The following SOCS2 variants were observed in gnomAD, a reference collection of about 807,000 sequenced individuals.
SOCS2 encodes the protein CIS-2.
In SOCS2, 10 loss-of-function variants were observed where a neutral mutation model predicts 18.6. The ratio of observed to expected loss-of-function variants is 0.54; its 90% CI spans 0.33 to 0.91. The LOEUF is 0.91. Among genes scored for constraint, SOCS2 ranks in the 40% least tolerant of loss-of-function variants. The pLI is 0.02. For missense variants in SOCS2, 231 were observed against 247.2 expected (o/e 0.93, Z 0.44); for synonymous variants, 104 against 104.0 (o/e 1.00, Z 0.00).
At chr12:93,585,693 C>G (rs1954580715), downstream of SOCS2, among the ~76,000 whole-genome samples, 1 of 152,096 alleles carries the variant, frequency 6.6e-6, no homozygotes, top group East Asian at 1.9e-4. Flanking sequence ...AAAAGTTTTT[C>G]AGGTACTGCA....
chr12:93,607,002 G>A, the SOCS2 span, among the ~76,000 whole-genome samples: 2 of 152,166 alleles, frequency 1.3e-5, no homozygotes, highest in Non-Finnish European at 2.9e-5. Context: ...GCAGTGGGTA[G>A]TACATTTGGG....
the SOCS2 span, among the ~76,000 whole-genome samples, chr12:93,612,500 G>A: frequency 3.3e-5 from 5 of 151,968 alleles, no homozygotes; most frequent in Admixed American, 2.0e-4. Flanking sequence ...TTTTGGCATT[G>A]TCCCCTGCTC....
downstream of SOCS2, among the ~76,000 whole-genome samples, chr12:93,581,339 A>T (rs1177998956): frequency 1.3e-5 from 2 of 152,256 alleles, no homozygotes; most frequent in Non-Finnish European, 1.5e-5. Flanking sequence ...TTAGGGTAAG[A>T]TCAGTTTATT....
At chr12:93,599,755 C>T in the SOCS2 span, among the ~76,000 whole-genome samples, 1 of 152,176 alleles carries the variant, frequency 6.6e-6, no homozygotes, top group East Asian at 1.9e-4. Context: ...GCAAGTTTGG[C>T]TTTCTCTTGC....
the SOCS2 span, among the ~76,000 whole-genome samples, chr12:93,624,320 C>A: frequency 6.6e-6 from 1 of 152,304 alleles, no homozygotes; most frequent in South Asian, 2.1e-4. Flanking sequence ...CGCCTGTAAT[C>A]CCAGCACTCT....
At chr12:93,574,602 CT>C (rs35259505) in intron 1 of SOCS2, 119 bp from the exon 2 acceptor site, 147,643 of 502,538 alleles carry the variant, frequency 0.29, 8,837 homozygotes, top group East Asian at 0.44. Context: ...CACACACCAC[CT>C]TTTTTTTTTT....
At chr12:93,603,063 CCTTGGTCCGAGACCAAGTCGTAG>C in the SOCS2 span, among the ~76,000 whole-genome samples, 1 of 152,176 alleles carries the variant, frequency 6.6e-6, no homozygotes, top group Non-Finnish European at 1.5e-5. Context: ...CACTGCCGAA[CCTTGGTCCGAGACCAAGTCGTAG>C]CTGTTCCCCG....
downstream of SOCS2, among the ~76,000 whole-genome samples, chr12:93,578,291 T>C (rs1469682512): frequency 1.3e-5 from 2 of 152,218 alleles, no homozygotes; most frequent in Non-Finnish European, 2.9e-5. Context: ...TTGGGAAGGA[T>C]TTTCTCTGCT....
chr12:93,580,806 G>A (rs112898345), downstream of SOCS2, among the ~76,000 whole-genome samples: 2,545 of 152,090 alleles, frequency 0.017, 74 homozygotes, highest in African/African-American at 0.058. Flanking sequence ...CATCAATTCT[G>A]TATTTGGTCA....
At chr12:93,614,540 C>CTTCCT in the SOCS2 span, among the ~76,000 whole-genome samples, 3 of 37,132 alleles carry the variant, frequency 8.1e-5, no homozygotes, top group African/African-American at 1.7e-4. Flanking sequence ...TCCTTCCTTC[C>CTTCCT]TTCTTTCTTT....
At chr12:93,582,148 G>C (rs543281946) in intron 1 of SOCS2, among the ~76,000 whole-genome samples, 1 of 152,198 alleles carries the variant, frequency 6.6e-6, no homozygotes, top group Non-Finnish European at 1.5e-5. Flanking sequence ...CCAGAGGAAG[G>C]TATCTTGTGT....
the SOCS2 span, among the ~76,000 whole-genome samples, chr12:93,588,842 G>A: frequency 1.2e-4 from 18 of 152,078 alleles, no homozygotes; most frequent in East Asian, 2.9e-3. Context: ...GGCTGGTCTT[G>A]AACTCCTGAC....
chr12:93,575,006 G>C lies in SOCS2; in HGVS notation c.424G>C (p.Ala142Pro), dbSNP rs140084496. ...MCKDKRTGPE[A>P]PRNGTVHLYL... is the part of the protein sequence containing the mutation. ...CAAGGATAAGCGGACAGGTCCAGAA[G>C]CCCCCCGGAACGGCACTGTTCACCT... is the stretch of plus-strand genomic sequence containing the variant. Residue 142 changes from alanine to proline, a missense_variant, in exon 2 of 2, where the codon GCC (alanine) becomes CCC (proline). Transcript: ENST00000551556. 1.9e-6 allele frequency: 3 copies of C among 1,614,032 alleles called. No homozygotes were observed. Among genetic ancestry groups the C allele is most frequent in the African/African-American group, 1.3e-5 (1 of 75,006 alleles).
chr12:93,614,419 TCC>T, the SOCS2 span, among the ~76,000 whole-genome samples: 1 of 99,384 alleles, frequency 1.0e-5, no homozygotes, highest in African/African-American at 3.9e-5. Flanking sequence ...CTTTCTTTCT[TCC>T]TTTCTTTCCC....
the SOCS2 span, among the ~76,000 whole-genome samples, chr12:93,591,499 T>C: frequency 2.0e-5 from 3 of 152,236 alleles, no homozygotes; most frequent in Non-Finnish European, 4.4e-5. Context: ...TGAAGAATTT[T>C]CAAACGGAGT....
Position 93,575,208 on chromosome 12 carries a change from CAT to C in SOCS2, c.*31_*32del. On this transcript the variant is annotated 3_prime_UTR_variant, in exon 2 of 2. Coordinates refer to ENST00000551556, the MANE Select transcript of SOCS2 (RefSeq NM_001270471.2). ...TTTCTCTTTTTTTAAACATGTCTCACATAGAGTATCTCCGAATGCAGCTATGT... is the reference window on the plus strand; with the variant it reads ...TTTCTCTTTTTTTAAACATGTCTCACAGAGTATCTCCGAATGCAGCTATGT... 1 of 1,463,954 alleles carries C rather than the reference CAT, an allele frequency of 6.8e-7. No homozygotes were observed. The allele number at this position is 1,463,954 out of a possible 1,614,324, so 90.7% of individuals were successfully genotyped here.
chr12:93,614,925 G>A, the SOCS2 span, among the ~76,000 whole-genome samples: 1 of 148,628 alleles, frequency 6.7e-6, no homozygotes, highest in African/African-American at 2.5e-5. Context: ...CTTGTATGTA[G>A]CAATTTTCTA....
the SOCS2 span, among the ~76,000 whole-genome samples, chr12:93,625,420 T>C: frequency 6.6e-6 from 1 of 152,154 alleles, no homozygotes. Context: ...TAGCCAAAAT[T>C]GTCAAACTCA....
chr12:93,613,063 T>G, the SOCS2 span, among the ~76,000 whole-genome samples: 3 of 152,206 alleles, frequency 2.0e-5, no homozygotes, highest in African/African-American at 7.2e-5. Flanking sequence ...ATTCAGGAAC[T>G]CCGGCACTTC....
Sources: allele counts gnomAD v4.1 joint callset (sites outside exome capture counted in the v4.1 genomes callset), GRCh38; gene constraint gnomAD v4.1.1; transcripts MANE v1.5; gene names NCBI Gene and HGNC (gene_info 2026-07-23, HGNC 2026-07-21).